Variants in DNM3 observed in about 807,000 individuals in gnomAD.
DNM3 encodes dynamin 3.
In DNM3, 47 loss-of-function variants were observed where a neutral mutation model predicts 101.6. That is an observed-to-expected ratio of 0.46 (90% confidence interval 0.37 to 0.59). The LOEUF is 0.59. DNM3 is among the 20% of genes least tolerant of loss of function. The pLI is 0.00. For missense variants in DNM3, 849 were observed against 1,085.7 expected, an observed-to-expected ratio of 0.78 and a Z score of 3.06; for synonymous variants, 385 against 387.9, an observed-to-expected ratio of 0.99 and a Z score of 0.09.
At chr1:172,069,011 A>C in intron 11 of DNM3, 106 bp downstream of exon 11, 1 of 851,896 alleles carries the variant, frequency 1.2e-6, no homozygotes, top group Non-Finnish European at 1.9e-6. Flanking sequence ...TAAAGGAAAA[A>C]AAAATAGTGG....
chr1:172,240,014 A>C (rs1427794467), intron 14 of DNM3, among the ~76,000 whole-genome samples: 2 of 151,794 alleles, frequency 1.3e-5, no homozygotes, highest in African/African-American at 4.8e-5. Flanking sequence ...GAGTCTCAGA[A>C]GGCACATGGA....
intron 20 of DNM3, among the ~76,000 whole-genome samples, chr1:172,394,817 T>C (rs967198127): frequency 6.6e-5 from 10 of 152,188 alleles, no homozygotes; most frequent in Admixed American, 3.9e-4. Context: ...TTGTCACCAG[T>C]TGGAATCTGC....
chr1:171,946,585 GATAGGC>G (rs2125436202), intron 2 of DNM3, among the ~76,000 whole-genome samples: 1 of 152,296 alleles, frequency 6.6e-6, no homozygotes, highest in African/African-American at 2.4e-5. Context: ...GTGAACTTGT[GATAGGC>G]ATGTGCTTGA....
At chr1:171,996,380 AGAGGTTGGTATGGGT>A in intron 4 of DNM3, among the ~76,000 whole-genome samples, 2 of 152,278 alleles carry the variant, frequency 1.3e-5, no homozygotes, top group African/African-American at 4.8e-5. Flanking sequence ...CCAGAATACT[AGAGGTTGGTATGGGT>A]GAGATCCTAT....
At chr1:172,392,563 T>C (rs182960611) in intron 20 of DNM3, among the ~76,000 whole-genome samples, 1 of 152,352 alleles carries the variant, frequency 6.6e-6, no homozygotes, top group East Asian at 1.9e-4. Context: ...TATAGCTTCT[T>C]AAAATTAGTT....
intron 16 of DNM3, among the ~76,000 whole-genome samples, chr1:172,314,210 C>A (rs995858441): frequency 9.9e-5 from 15 of 152,166 alleles, no homozygotes; most frequent in African/African-American, 3.1e-4. Flanking sequence ...ACCCAAATGC[C>A]CATCAACGAT....
intron 2 of DNM3, among the ~76,000 whole-genome samples, chr1:171,986,938 A>G (rs1161086586): frequency 1.3e-5 from 2 of 152,210 alleles, no homozygotes; most frequent in Non-Finnish European, 2.9e-5. Context: ...AAGTAGGTAC[A>G]GAAATTGATA....
chr1:172,156,359 C>A (rs1229170828), intron 14 of DNM3, among the ~76,000 whole-genome samples: 1 of 152,084 alleles, frequency 6.6e-6, no homozygotes, highest in African/African-American at 2.4e-5. Context: ...ACAATGGCTC[C>A]TGGACCAGGC....
intron 2 of DNM3, among the ~76,000 whole-genome samples, chr1:171,942,223 T>TTTTTTTTG (rs1361965450): frequency 6.6e-6 from 1 of 150,716 alleles, no homozygotes. Flanking sequence ...TTTTTTTTTT[T>TTTTTTTTG]TATGGAATAA....
intron 10 of DNM3, among the ~76,000 whole-genome samples, chr1:172,057,023 A>G (rs2050695860): frequency 1.3e-5 from 2 of 152,108 alleles, no homozygotes; most frequent in African/African-American, 4.8e-5. Context: ...CTGAAAACCA[A>G]GGCTCGAGAA....
intron 17 of DNM3, among the ~76,000 whole-genome samples, chr1:172,336,757 A>G (rs2066450563): frequency 6.6e-6 from 1 of 151,140 alleles, no homozygotes; most frequent in Non-Finnish European, 1.5e-5. Flanking sequence ...GCAACTGCAC[A>G]CCTATTGACT....
At chr1:172,169,553 T>G (rs2058873859) in intron 14 of DNM3, among the ~76,000 whole-genome samples, 1 of 151,964 alleles carries the variant, frequency 6.6e-6, no homozygotes, top group Admixed American at 6.6e-5. Context: ...TGAGCCTTGA[T>G]CAAATTGCCC....
chr1:172,016,657 T>C (rs1445191001), intron 4 of DNM3, among the ~76,000 whole-genome samples: 1 of 152,186 alleles, frequency 6.6e-6, no homozygotes, highest in African/African-American at 2.4e-5. Flanking sequence ...CTGGGAGAGA[T>C]TGTGGAAAAT....
intron 1 of DNM3, among the ~76,000 whole-genome samples, chr1:171,909,779 G>A (rs2039143153): frequency 6.6e-6 from 1 of 152,136 alleles, no homozygotes; most frequent in Admixed American, 6.5e-5. Context: ...AATTATAATT[G>A]GAACAATTAG....
At chr1:171,943,905 G>A (rs2041978579) in intron 2 of DNM3, among the ~76,000 whole-genome samples, 1 of 152,014 alleles carries the variant, frequency 6.6e-6, no homozygotes. Flanking sequence ...TACTAGTCTG[G>A]CTAAGAGGGA....
intron 16 of DNM3, among the ~76,000 whole-genome samples, chr1:172,317,970 T>C (rs2065477904): frequency 6.6e-6 from 1 of 152,134 alleles, no homozygotes; most frequent in Non-Finnish European, 1.5e-5. Context: ...TTGATGAACA[T>C]TGATGCAAAA....
At chr1:172,308,034 T>C (rs900424380) in intron 15 of DNM3, among the ~76,000 whole-genome samples, 1 of 151,818 alleles carries the variant, frequency 6.6e-6, no homozygotes, top group Non-Finnish European at 1.5e-5. Flanking sequence ...AATAAAAATC[T>C]TAAATAAAAA....
chr1:172,013,291 A>C (rs905773849), intron 4 of DNM3, among the ~76,000 whole-genome samples: 7 of 152,068 alleles, frequency 4.6e-5, no homozygotes, highest in Non-Finnish European at 4.4e-5. Context: ...TTTTATAGGA[A>C]AATCACCGTG....
At chr1:171,937,375 C>A (rs918044007) in intron 2 of DNM3, among the ~76,000 whole-genome samples, 1 of 152,024 alleles carries the variant, frequency 6.6e-6, no homozygotes, top group African/African-American at 2.4e-5. Flanking sequence ...TGTTCTGCTT[C>A]ACTGCTGGTT....
Sources: allele counts gnomAD v4.1 joint callset (sites outside exome capture counted in the v4.1 genomes callset), GRCh38; gene constraint gnomAD v4.1.1; transcripts MANE v1.5; gene names NCBI Gene and HGNC (gene_info 2026-07-23, HGNC 2026-07-21).